PDXDC1: variants seen among roughly 807,000 people sequenced by gnomAD.
PDXDC1 encodes the protein pyridoxal dependent decarboxylase domain containing 1.
A neutral mutation model predicts 100.1 loss-of-function variants in PDXDC1; 42 were observed. The ratio of observed to expected loss-of-function variants is 0.42; its 90% CI spans 0.33 to 0.54. The LOEUF (loss-of-function observed/expected upper bound fraction) is 0.54. Ranked by LOEUF, PDXDC1 falls within the 20% of genes least tolerant of loss-of-function variation. The pLI is 0.10. For missense variants in PDXDC1, 636 were observed against 979.2 expected (o/e 0.65, Z 4.68); for synonymous variants, 260 against 371.7 (o/e 0.70, Z 3.46).
rs778654573 is a variant in PDXDC1 at position 15,047,524 on chromosome 16, A to G, written c.1399+17468A>G. Reference sequence around the variant, plus strand: ...TCAGCTTTGGTGTCGGTTCCGTCACAATGTGTCAAGCAGGTGGCCCCATTA... The same window carrying G: ...TCAGCTTTGGTGTCGGTTCCGTCACGATGTGTCAAGCAGGTGGCCCCATTA... On this transcript the variant is annotated intron_variant, in intron 16 of 16. Coordinates refer to the PDXDC1 transcript ENST00000535621. The G allele has an allele frequency of 1.2e-6, 2 of 1,613,864 alleles. No individual in the cohort carries two copies. Among genetic ancestry groups the G allele is most frequent in the African/African-American group, 1.3e-5 (1 of 74,920 alleles).
chr16:15,073,394 C>G (rs2045320527), intron 16 of PDXDC1, among the ~76,000 whole-genome samples: 1 of 152,104 alleles, frequency 6.6e-6, no homozygotes, highest in Non-Finnish European at 1.5e-5. Context: ...GAGGTCAAGG[C>G]TGCAGTAAGC....
intron 5 of PDXDC1, 116 bp from the exon 6 acceptor site, chr16:15,006,278 G>C: frequency 1.1e-6 from 1 of 873,118 alleles, no homozygotes; most frequent in East Asian, 2.7e-5. Context: ...TGTCCTCTCT[G>C]CCTGATAAAA....
At chr16:15,047,148 G>A in intron 16 of PDXDC1, 1 of 435,804 alleles carries the variant, frequency 2.3e-6, no homozygotes. Context: ...CACACCCGGG[G>A]GAGAGCAAAA....
intron 8 of PDXDC1, among the ~76,000 whole-genome samples, chr16:15,015,373 G>A (rs2041709083): frequency 6.6e-6 from 1 of 152,360 alleles, no homozygotes; most frequent in African/African-American, 2.4e-5. Context: ...TATTAGTGTG[G>A]GATAAAATAG....
Position 15,038,152 on chromosome 16 carries a change from G to T in PDXDC1, c.*1877G>T, listed in dbSNP as rs1454684927. ...TGGGTGTTTTTTTAAAAACATCAAG[G>T]TAGATCTAATATGTTCAACAAAGTG... is the stretch of plus-strand genomic sequence containing the variant. On this transcript the variant is annotated 3_prime_UTR_variant, in exon 23 of 23. Transcript: ENST00000396410. 1 of 1,613,160 alleles carries T rather than the reference G, an allele frequency of 6.2e-7. No homozygotes were observed. Among genetic ancestry groups the T allele is most frequent in the East Asian group, 2.2e-5 (1 of 44,856 alleles).
chr16:15,094,450 A>T (rs920587605), intron 16 of PDXDC1: 10 of 588,596 alleles, frequency 1.7e-5, no homozygotes, highest in Middle Eastern at 4.5e-4. Flanking sequence ...GTGCGTGAGT[A>T]TAAGGAGAGA....
chr16:15,063,718 A>AG (rs1217960626), intron 16 of PDXDC1, among the ~76,000 whole-genome samples: 3 of 151,110 alleles, frequency 2.0e-5, no homozygotes, highest in East Asian at 1.9e-4. Context: ...AAAAAAAAAA[A>AG]AAAAGAAAAA....
the PDXDC1 span, among the ~76,000 whole-genome samples, chr16:15,144,988 C>A: frequency 6.6e-6 from 1 of 152,160 alleles, no homozygotes; most frequent in Non-Finnish European, 1.5e-5. Flanking sequence ...GCGTTGTGAC[C>A]CCCTTGCATC....
the PDXDC1 span, among the ~76,000 whole-genome samples, chr16:15,146,026 G>A: frequency 2.0e-5 from 3 of 152,206 alleles, no homozygotes; most frequent in Non-Finnish European, 4.4e-5. Flanking sequence ...GGGGGAGCGA[G>A]GGCAGTGGCA....
At chr16:15,044,456 G>T in intron 16 of PDXDC1, 1 of 1,183,422 alleles carries the variant, frequency 8.5e-7, no homozygotes, top group Non-Finnish European at 1.3e-6. Context: ...ACACCGGTGC[G>T]TGCGCTGGTC....
intron 6 of PDXDC1, among the ~76,000 whole-genome samples, chr16:15,007,010 T>C (rs2040832708): frequency 1.3e-5 from 2 of 152,296 alleles, no homozygotes; most frequent in South Asian, 4.1e-4. Flanking sequence ...TTCTCTTGCT[T>C]TCTGTGACCA....
intron 3 of PDXDC1, among the ~76,000 whole-genome samples, chr16:14,999,538 A>G (rs1972711320): frequency 1.3e-5 from 2 of 152,258 alleles, no homozygotes; most frequent in Admixed American, 1.3e-4. Flanking sequence ...GCGAGACCCT[A>G]TCAAATAAAA....
In PDXDC1 at chr16:14,989,684, G is replaced by C; in HGVS notation, c.22-8069G>C. 2.6e-6 allele frequency: 4 copies of C among 1,561,634 alleles called. No homozygotes were observed. In the Admixed American group the frequency reaches 7.7e-5, roughly 30 times the overall value. On this transcript the variant is annotated intron_variant, in intron 1 of 22. Coordinates refer to ENST00000396410, the MANE Select transcript of PDXDC1 (RefSeq NM_015027.4). The stretch of plus-strand genomic sequence containing the variant: ...CGGCGGCCACGGGGCCAGGACCTGG[G>C]GACCCCAGCTGCAGGCAACGCACGC...
chr16:14,984,531 C>G (rs1294040615), intron 1 of PDXDC1, among the ~76,000 whole-genome samples: 1 of 144,354 alleles, frequency 6.9e-6, no homozygotes, highest in African/African-American at 2.5e-5. Flanking sequence ...GGACTCTCAC[C>G]CTGTCGCCCA....
At chr16:15,143,237 G>A (rs919273976), downstream of PDXDC1, among the ~76,000 whole-genome samples, 3 of 152,092 alleles carry the variant, frequency 2.0e-5, no homozygotes, top group African/African-American at 7.2e-5. Flanking sequence ...ACTGGGTGGA[G>A]AAGGAAGTCC....
chr16:15,111,060 G>A lies in PDXDC1; in HGVS notation c.1400-27819G>A, dbSNP rs555535288. 1.7e-3 allele frequency among the ~76,000 whole-genome samples: 252 copies of A among 148,820 alleles called. 7 individuals carry two copies. In the East Asian group the frequency reaches 0.032, roughly 19 times the overall value. ...AGAGAACCGTTTGAAGCTGGGAGGC[G>A]GAGGTTGCAGTGAGCGGAGATCACA... On this transcript the variant is annotated intron_variant, in intron 16 of 16. Coordinates refer to the PDXDC1 transcript ENST00000535621.
downstream of PDXDC1, among the ~76,000 whole-genome samples, chr16:15,140,458 A>G (rs1598291048): frequency 6.6e-6 from 1 of 151,546 alleles, no homozygotes; most frequent in South Asian, 2.1e-4. Context: ...AAAAAAAAAA[A>G]AAAAAAAAAG....
At chr16:15,017,209 G>T (rs374034314) in intron 10 of PDXDC1, 41 bp downstream of exon 10, 34 of 1,612,252 alleles carry the variant, frequency 2.1e-5, no homozygotes, top group Non-Finnish European at 1.7e-5. Context: ...TTTTAAGAAT[G>T]AATTTAAAGT....
At chr16:15,133,954 A>G (rs2048230169) in intron 16 of PDXDC1, 1 of 1,387,204 alleles carries the variant, frequency 7.2e-7, no homozygotes, top group Non-Finnish European at 9.9e-7. Context: ...GTGAAGGTGT[A>G]TCCCTCGCCG....
Sources: allele counts gnomAD v4.1 joint callset (sites outside exome capture counted in the v4.1 genomes callset), GRCh38; gene constraint gnomAD v4.1.1; transcripts MANE v1.5; gene names NCBI Gene and HGNC (gene_info 2026-07-23, HGNC 2026-07-21).